Variants in TNNT2 observed in about 807,000 individuals in gnomAD.
TNNT2 encodes troponin T2, cardiac type, also known as troponin T, cardiac muscle.
In TNNT2, 34 loss-of-function variants were observed where a neutral mutation model predicts 62.4. That is an observed-to-expected ratio of 0.54 (90% confidence interval 0.41 to 0.72). The LOEUF (loss-of-function observed/expected upper bound fraction) is 0.72. Ranked by LOEUF, TNNT2 falls within the 30% of genes least tolerant of loss-of-function variation. TNNT2 has a pLI of 0.00. For missense variants in TNNT2, 275 were observed against 381.9 expected (o/e 0.72, Z 2.33); for synonymous variants, 123 against 127.2 (o/e 0.97, Z 0.22).
Position 201,361,992 on chromosome 1 carries a change from C to A in TNNT2, c.640G>T (p.Glu214Ter). 1.2e-6 allele frequency: 2 copies of A among 1,614,232 alleles called. No individual in the cohort carries two copies. The highest frequency in any genetic ancestry group is 1.7e-6 in the Non-Finnish European group (2 of 1,180,042). The change falls in exon 14 of 17, where the codon GAG becomes TAG. Residue 214 changes from glutamate (E) to a stop codon, truncating the protein, a stop_gained. Transcript: ENST00000656932. LOFTEE classifies it high-confidence loss of function. ...TERKSGKRQT[E>*]REKKKKILAE... ...AGAATCTTCTTCTTCTTTTCCCGCT[C>A]AGTCTGCCTCTTCCCACTTTTCCGC...
At chr1:201,368,474 C>A in intron 5 of TNNT2, 1 of 590,554 alleles carries the variant, frequency 1.7e-6, no homozygotes, top group Non-Finnish European at 3.2e-6. Context: ...CCACCTCATT[C>A]CCCAACTTTC....
chr1:201,366,426 C>T, intron 8 of TNNT2: 1 of 1,110,588 alleles, frequency 9.0e-7, no homozygotes, highest in Non-Finnish European at 1.1e-6. Context: ...CCGTCCTGCC[C>T]TCTCTCAGCT....
chr1:201,363,479 G>A (rs964222160), intron 11 of TNNT2, 73 bp from the exon 12 acceptor site: 95 of 1,451,390 alleles, frequency 6.5e-5, no homozygotes, highest in Non-Finnish European at 8.4e-5. Context: ...GCTGAAGCTT[G>A]TGGTCTTTAT....
rs554045677 is a variant in TNNT2 at position 201,367,929 on chromosome 1, G to T, written c.164-123C>A. 1.0e-3 allele frequency: 1,255 copies of T among 1,239,418 alleles called. 22 individuals are homozygous for T. The South Asian group carries it at 0.014, about 14-fold the overall frequency. 76.8% of individuals were successfully genotyped at this position (1,239,418 alleles called of 1,614,324 possible). ...CAAGATGCACTCTGTTGGTTTTTGGGGTTACAGAGCTGTCTCTCACACACA... is the reference window on the plus strand; with the variant it reads ...CAAGATGCACTCTGTTGGTTTTTGGTGTTACAGAGCTGTCTCTCACACACA... On this transcript the variant is annotated intron_variant, in intron 6 of 16. Transcript: ENST00000656932.
chr1:201,361,449 C>G, intron 14 of TNNT2, 80 bp from the exon 15 acceptor site: 1 of 1,296,862 alleles, frequency 7.7e-7, no homozygotes, highest in East Asian at 2.3e-5. Flanking sequence ...CGGCCCAGCC[C>G]CCAGCATCCC....
chr1:201,366,154 G>A (rs1659614692), intron 8 of TNNT2: 1 of 1,064,974 alleles, frequency 9.4e-7, no homozygotes, highest in Non-Finnish European at 1.1e-6. Context: ...TCTGCCCTCA[G>A]GTGTGTGGAG....
chr1:201,363,430 A>G (rs1396151747), intron 11 of TNNT2, 24 bp from the exon 12 acceptor site: 3 of 1,609,150 alleles, frequency 1.9e-6, no homozygotes, highest in Non-Finnish European at 2.6e-6. Context: ...GGGAGGAAGA[A>G]AGCAAATTAG....
rs730881101 is a variant in TNNT2 at position 201,364,335 on chromosome 1, C to T, written c.452G>A (p.Arg151Gln). ...CTGCCGCTCCTTCTCCCGCTCATTCCGGATGCGCTGCTGCTCGGCCCGCTC... is the reference window on the plus strand; with the variant it reads ...CTGCCGCTCCTTCTCCCGCTCATTCTGGATGCGCTGCTGCTCGGCCCGCTC... ...RAERAEQQRIRNEREKERQNR... is the reference protein window; with the variant it reads ...RAERAEQQRIQNEREKERQNR... Residue 151 changes from arginine to glutamine, a missense_variant, in exon 11 of 17, where the codon CGG becomes CAG. Arg to Gln is a conservative substitution (Grantham distance 43). Transcript: ENST00000656932. 2.6e-5 allele frequency: 42 copies of T among 1,613,304 alleles called. No homozygotes were observed. In the East Asian group the frequency reaches 4.2e-4, roughly 16 times the overall value.
chr1:201,363,184 A>G lies in TNNT2; in HGVS notation c.600+112T>C. The G allele has an allele frequency of 2.5e-6, 4 of 1,600,540 alleles. No homozygotes were observed. The South Asian group carries it at 3.3e-5, about 13-fold the overall frequency. ...GAGACCTCAGTCTTCCACCCACAGCAGCTGGGAATCTCTTCCTGGGACCTG... is the reference window on the plus strand; with the variant it reads ...GAGACCTCAGTCTTCCACCCACAGCGGCTGGGAATCTCTTCCTGGGACCTG... On this transcript the variant is annotated intron_variant, in intron 12 of 16. Transcript: ENST00000656932.
intron 6 of TNNT2, 69 bp from the exon 7 acceptor site, chr1:201,367,875 A>G: frequency 6.3e-7 from 1 of 1,578,770 alleles, no homozygotes; most frequent in Non-Finnish European, 8.7e-7. Context: ...CGCCACCAGC[A>G]AGAGCCTTCC....
intron 10 of TNNT2, among the ~76,000 whole-genome samples, chr1:201,364,685 C>T (rs1558229571): frequency 6.6e-6 from 1 of 152,254 alleles, no homozygotes; most frequent in Non-Finnish European, 1.5e-5. Flanking sequence ...GGCAGCTGCT[C>T]TGTGCCATAT....
At chr1:201,372,194 A>G (rs1290607577) in intron 2 of TNNT2, 39 bp from the exon 3 acceptor site, 1 of 1,613,906 alleles carries the variant, frequency 6.2e-7, no homozygotes, top group East Asian at 2.2e-5. Context: ...GCTCGCACAC[A>G]AGCACATGCA....
At chr1:201,377,347 A>G (rs1661544722) in intron 1 of TNNT2, among the ~76,000 whole-genome samples, 1 of 152,150 alleles carries the variant, frequency 6.6e-6, no homozygotes, top group Non-Finnish European at 1.5e-5. Context: ...GACTCATCCA[A>G]GAGTTTAAAC....
Position 201,367,863 on chromosome 1 carries a change from T to G in TNNT2, c.164-57A>C, listed in dbSNP as rs45560244. 1,044 of 1,599,008 alleles carry G rather than the reference T, an allele frequency of 6.5e-4. 9 individuals are homozygous for G. The African/African-American group carries it at 0.012, about 19-fold the overall frequency. ...CTTGTTCTGAGCTCAAGTCCCCCCCTCCGCCACCAGCAAGAGCCTTCCCCA... is the reference window on the plus strand; with the variant it reads ...CTTGTTCTGAGCTCAAGTCCCCCCCGCCGCCACCAGCAAGAGCCTTCCCCA... On this transcript the variant is annotated intron_variant, in intron 6 of 16. Transcript: ENST00000656932.
intron 9 of TNNT2, 102 bp from the exon 10 acceptor site, chr1:201,365,409 C>T: frequency 1.6e-6 from 2 of 1,249,446 alleles, no homozygotes; most frequent in Non-Finnish European, 2.4e-6. Context: ...AGACCTCTGG[C>T]AGGGCCTGGC....
chr1:201,360,964 G>T (rs1164852090), intron 15 of TNNT2: 54 of 425,044 alleles, frequency 1.3e-4, no homozygotes, highest in South Asian at 1.1e-3. Context: ...CTGGCTTGGT[G>T]CATCCTGGTC....
rs111451787 is a variant in TNNT2, at chr1:201,361,910, C to T, written c.719+3G>A. 1 of 1,613,782 alleles carries T rather than the reference C, an allele frequency of 6.2e-7. No homozygotes were observed. The highest frequency in any genetic ancestry group is 8.5e-7 in the Non-Finnish European group (1 of 1,179,634). ...CCCCAGGACCATTCCTCCCAGCCCC[C>T]ACCTCAGCTGATCTTCATTCAGGTG... is the stretch of plus-strand genomic sequence containing the variant. On this transcript the variant is annotated splice_donor_region_variant and intron_variant, in intron 14 of 16. Coordinates refer to ENST00000656932, the MANE Select transcript of TNNT2 (RefSeq NM_001276345.2).
intron 7 of TNNT2, chr1:201,367,219 T>C (rs1364108196): frequency 2.3e-6 from 1 of 438,816 alleles, no homozygotes; most frequent in African/African-American, 2.0e-5. Flanking sequence ...GTCCTGGCCC[T>C]AGAATCCCCT....
At chr1:201,369,246 T>C (rs1660203794) in intron 5 of TNNT2, 1 of 469,418 alleles carries the variant, frequency 2.1e-6, no homozygotes, top group African/African-American at 2.0e-5. Context: ...CAGAACGCAC[T>C]TTCTAAAATT....
Sources: allele counts gnomAD v4.1 joint callset (sites outside exome capture counted in the v4.1 genomes callset), GRCh38; gene constraint gnomAD v4.1.1; transcripts MANE v1.5; gene names NCBI Gene and HGNC (gene_info 2026-07-23, HGNC 2026-07-21).